The following PLGRKT variants were observed in gnomAD, a reference collection of about 807,000 sequenced individuals.
The protein encoded by PLGRKT is plasminogen receptor (KT).
PLGRKT carries 22 observed loss-of-function variants against 18.5 expected under a neutral mutation model. The ratio of observed to expected loss-of-function variants is 1.19; its 90% confidence interval spans 0.85 to 1.70. The LOEUF is 1.70. PLGRKT is among the 40% of genes most tolerant of loss of function. PLGRKT has a pLI of 0.00. For missense variants in PLGRKT, 235 were observed against 174.4 expected, an observed-to-expected ratio of 1.35 and a Z score of -1.96; for synonymous variants, 72 against 52.8, an observed-to-expected ratio of 1.36 and a Z score of -1.58.
At chr9:5,359,295 C>T (rs890316151) in intron 5 of PLGRKT, among the ~76,000 whole-genome samples, 1 of 152,094 alleles carries the variant, frequency 6.6e-6, no homozygotes, top group East Asian at 1.9e-4. Flanking sequence ...AGTGATCTGC[C>T]TGCTTTGGCC....
At chr9:5,407,753 C>T (rs181932331) in intron 3 of PLGRKT, among the ~76,000 whole-genome samples, 1 of 152,154 alleles carries the variant, frequency 6.6e-6, no homozygotes, top group African/African-American at 2.4e-5. Flanking sequence ...ACCCTAAAAA[C>T]CCTAGGAACC....
intron 3 of PLGRKT, among the ~76,000 whole-genome samples, chr9:5,405,276 C>A (rs1333150451): frequency 1.3e-5 from 2 of 152,066 alleles, no homozygotes; most frequent in African/African-American, 2.4e-5. Context: ...TCATATGGAA[C>A]CAAAAAAGAG....
intron 2 of PLGRKT, 140 bp from the exon 3 acceptor site, chr9:5,432,123 T>C: frequency 5.2e-6 from 3 of 578,962 alleles, no homozygotes; most frequent in Non-Finnish European, 9.3e-6. Context: ...GTGTGGATTC[T>C]AGTTCTTGCT....
intron 3 of PLGRKT, among the ~76,000 whole-genome samples, chr9:5,415,874 T>C (rs10975105): frequency 0.23 from 34,737 of 150,878 alleles, 4,395 homozygotes; most frequent in Non-Finnish European, 0.29. Context: ...TAAGAAGACA[T>C]CAATTAAATG....
At chr9:5,424,516 T>TAA (rs1220955482) in intron 3 of PLGRKT, among the ~76,000 whole-genome samples, 26 of 111,364 alleles carry the variant, frequency 2.3e-4, no homozygotes, top group South Asian at 2.3e-3. Context: ...ATATATAACA[T>TAA]ATAAATATAT....
intron 3 of PLGRKT, among the ~76,000 whole-genome samples, chr9:5,381,435 C>A (rs534512232): frequency 2.0e-5 from 3 of 152,342 alleles, no homozygotes; most frequent in South Asian, 2.1e-4. Context: ...AAGCCCCAAA[C>A]CTTGACAGCT....
chr9:5,415,305 C>A (rs947723811), intron 3 of PLGRKT, among the ~76,000 whole-genome samples: 1 of 152,002 alleles, frequency 6.6e-6, no homozygotes, highest in Admixed American at 6.5e-5. Context: ...AAAATGTCCA[C>A]GAAAACATAT....
chr9:5,367,050 C>T lies in PLGRKT; in HGVS notation c.82-5162G>A, dbSNP rs188813293. The stretch of plus-strand genomic sequence containing the variant: ...ACACATACACACACACACACACACA[C>T]ACACACACACACACACACCCCTAGG... On this transcript the variant is annotated intron_variant, in intron 3 of 5. Coordinates refer to ENST00000223864, the MANE Select transcript of PLGRKT (RefSeq NM_018465.4). Among the ~76,000 whole-genome samples, 668 of 150,976 alleles carry T rather than the reference C, an allele frequency of 4.4e-3. 10 individuals are homozygous for T. Among genetic ancestry groups the T allele is most frequent in the African/African-American group, 0.015 (620 of 41,074 alleles).
chr9:5,364,620 T>C (rs151285270), intron 3 of PLGRKT, among the ~76,000 whole-genome samples: 5 of 152,320 alleles, frequency 3.3e-5, no homozygotes, highest in East Asian at 3.9e-4. Context: ...GGAAAAGAAC[T>C]GATCTATCTT....
intron 5 of PLGRKT, among the ~76,000 whole-genome samples, chr9:5,359,118 A>C (rs1165902357): frequency 6.7e-6 from 1 of 149,996 alleles, no homozygotes. Context: ...GCTGGAGTGC[A>C]GTGGTGCAAT....
chr9:5,388,793 A>C (rs1034183250), intron 3 of PLGRKT, among the ~76,000 whole-genome samples: 1 of 152,086 alleles, frequency 6.6e-6, no homozygotes, highest in Non-Finnish European at 1.5e-5. Flanking sequence ...CCTCGTCTAC[A>C]AAGTGGGAAT....
intron 2 of PLGRKT, among the ~76,000 whole-genome samples, chr9:5,435,995 C>G (rs973122341): frequency 6.6e-6 from 1 of 152,180 alleles, no homozygotes; most frequent in African/African-American, 2.4e-5. Context: ...AAGCTGAGCA[C>G]AGGATACCAA....
At chr9:5,359,610 C>T (rs773164889) in intron 5 of PLGRKT, among the ~76,000 whole-genome samples, 2 of 152,032 alleles carry the variant, frequency 1.3e-5, no homozygotes, top group East Asian at 1.9e-4. Flanking sequence ...TAAACTCAGT[C>T]GAATAGGGAT....
intron 2 of PLGRKT, among the ~76,000 whole-genome samples, chr9:5,436,073 T>C (rs982673879): frequency 6.6e-6 from 1 of 152,228 alleles, no homozygotes; most frequent in Admixed American, 6.5e-5. Context: ...CCTCCCCTTC[T>C]GCCACTGTGC....
intron 3 of PLGRKT, among the ~76,000 whole-genome samples, chr9:5,412,649 T>C (rs762556482): frequency 2.0e-5 from 3 of 152,158 alleles, no homozygotes; most frequent in Non-Finnish European, 4.4e-5. Flanking sequence ...TATTGGATTA[T>C]AGCAACAGAA....
rs1292964391 is a variant in PLGRKT, at chr9:5,423,874, T to TATGTATAATATATATTATAA, written c.81+8022_81+8023insTTATAATATATATTATACAT. Among the ~76,000 whole-genome samples the TATGTATAATATATATTATAA allele has an allele frequency of 4.1e-5, 6 of 147,582 alleles. No individual in the cohort carries two copies. The Admixed American group carries it at 4.1e-4, about 10-fold the overall frequency. The stretch of plus-strand genomic sequence containing the variant: ...CACATCACATTGCCCAGCTAATATA[T>TATGTATAATATATATTATAA]ATGTAATATAGTCTATAATATATAT... On this transcript the variant is annotated intron_variant, in intron 3 of 5. Coordinates refer to ENST00000223864, the MANE Select transcript of PLGRKT (RefSeq NM_018465.4).
chr9:5,424,387 T>C (rs1186230335), intron 3 of PLGRKT, among the ~76,000 whole-genome samples: 1 of 130,752 alleles, frequency 7.6e-6, no homozygotes, highest in Non-Finnish European at 1.5e-5. Flanking sequence ...ATATAACATA[T>C]TATAAAACAT....
At chr9:5,378,034 G>A (rs1247420505) in intron 3 of PLGRKT, among the ~76,000 whole-genome samples, 2 of 152,088 alleles carry the variant, frequency 1.3e-5, no homozygotes, top group East Asian at 1.9e-4. Context: ...ACCCTAAAGG[G>A]AAGCTCTTGT....
intron 3 of PLGRKT, among the ~76,000 whole-genome samples, chr9:5,385,059 G>A (rs1367308938): frequency 1.3e-5 from 2 of 152,082 alleles, no homozygotes; most frequent in Non-Finnish European, 2.9e-5. Flanking sequence ...GCCAGGGGAG[G>A]GCAGATCATG....
Sources: allele counts gnomAD v4.1 joint callset (sites outside exome capture counted in the v4.1 genomes callset), GRCh38; gene constraint gnomAD v4.1.1; transcripts MANE v1.5; gene names NCBI Gene and HGNC (gene_info 2026-07-23, HGNC 2026-07-21).